The following FER variants were observed in gnomAD, a reference collection of about 807,000 sequenced individuals.
FER encodes FER tyrosine kinase.
A neutral mutation model predicts 111.0 loss-of-function variants in FER; 63 were observed. The ratio of observed to expected loss-of-function variants is 0.57; its 90% CI spans 0.46 to 0.70. FER has a LOEUF of 0.70. FER is among the 30% of genes least tolerant of loss of function. FER has a pLI of 0.00. For synonymous variants in FER, 327 were observed against 313.9 expected (o/e 1.04, Z -0.44); for missense variants, 914 against 954.0 (o/e 0.96, Z 0.55).
chr5:108,978,267 G>T (rs969582163), intron 13 of FER, among the ~76,000 whole-genome samples: 4 of 152,086 alleles, frequency 2.6e-5, no homozygotes, highest in Admixed American at 6.6e-5. Flanking sequence ...TCATTGATCA[G>T]GTTGATACAT....
At chr5:109,092,734 T>C (rs927031295) in intron 16 of FER, among the ~76,000 whole-genome samples, 2 of 152,190 alleles carry the variant, frequency 1.3e-5, no homozygotes, top group Admixed American at 1.3e-4. Context: ...AACTACCATA[T>C]AATCTAGCCA....
intron 2 of FER, among the ~76,000 whole-genome samples, chr5:108,792,591 C>T (rs1755503521): frequency 6.6e-6 from 1 of 152,120 alleles, no homozygotes; most frequent in African/African-American, 2.4e-5. Flanking sequence ...CCTGCCTCAG[C>T]CTCCCAAAGT....
rs148164186 is a variant in FER at position 109,039,494 on chromosome 5, A to C, written c.1713+2016A>C. 5.5e-4 allele frequency among the ~76,000 whole-genome samples: 83 copies of C among 152,242 alleles called. 1 individual carries two copies. In the East Asian group the frequency reaches 0.01, roughly 19 times the overall value. On this transcript the variant is annotated intron_variant, in intron 14 of 19. Coordinates refer to ENST00000281092, the MANE Select transcript of FER (RefSeq NM_005246.4). ...AAATTTTATAATGTTAGAGGGTGCT[A>C]AGTCCTGTGAACAATAGAGGGATTG...
intron 2 of FER, among the ~76,000 whole-genome samples, chr5:108,787,071 G>GCAGCTGCAGCTGCC: frequency 1.3e-5 from 2 of 152,020 alleles, no homozygotes; most frequent in South Asian, 4.1e-4. Flanking sequence ...GCTCCTGGGT[G>GCAGCTGCAGCTGCC]CAGCTGCAGC....
chr5:108,749,342 A>T (rs1000823694), intron 1 of FER, among the ~76,000 whole-genome samples: 1 of 151,978 alleles, frequency 6.6e-6, no homozygotes, highest in Non-Finnish European at 1.5e-5. Context: ...TGCCGGCGCG[A>T]AAGGGCTGTG....
intron 8 of FER, among the ~76,000 whole-genome samples, chr5:108,880,516 T>C (rs1258227092): frequency 6.6e-6 from 1 of 152,094 alleles, no homozygotes; most frequent in African/African-American, 2.4e-5. Flanking sequence ...TATTTATTTA[T>C]TTATAATTAT....
intron 11 of FER, among the ~76,000 whole-genome samples, chr5:108,950,284 T>TA (rs1168502094): frequency 6.6e-6 from 1 of 152,214 alleles, no homozygotes; most frequent in Non-Finnish European, 1.5e-5. Flanking sequence ...TCTTTATAGT[T>TA]ACTATCCTAG....
intron 1 of FER, among the ~76,000 whole-genome samples, chr5:108,752,425 C>T (rs1036160493): frequency 6.6e-6 from 1 of 151,948 alleles, no homozygotes; most frequent in Non-Finnish European, 1.5e-5. Flanking sequence ...TTCAGTGTAT[C>T]TGCATTCACA....
chr5:108,948,916 G>C (rs1312581146), intron 11 of FER, among the ~76,000 whole-genome samples: 1 of 152,000 alleles, frequency 6.6e-6, no homozygotes, highest in East Asian at 1.9e-4. Context: ...TCTTTATATA[G>C]ATAACAGAAG....
At chr5:108,930,678 A>G (rs887075085) in intron 10 of FER, among the ~76,000 whole-genome samples, 1 of 132,608 alleles carries the variant, frequency 7.5e-6, no homozygotes, top group African/African-American at 3.0e-5. Context: ...TGGTTGTGCC[A>G]TCTGGGTTCA....
chr5:108,772,251 A>T (rs995602884), intron 2 of FER, among the ~76,000 whole-genome samples: 2 of 134,902 alleles, frequency 1.5e-5, no homozygotes, highest in East Asian at 4.0e-4. Flanking sequence ...ACATATATTC[A>T]AACCATAGTA....
chr5:108,810,981 T>C (rs540219503), intron 3 of FER, among the ~76,000 whole-genome samples: 1 of 152,256 alleles, frequency 6.6e-6, no homozygotes, highest in Admixed American at 6.5e-5. Flanking sequence ...CCATGATCTA[T>C]GCACAGGAAG....
rs1179911862 is a variant in FER at position 108,847,101 on chromosome 5, G to C, written c.481+11294G>C. ...ATGTGGAAGCTGAGGTCATTGATTT[G>C]AGAACCATCTTCTTTTCAAATGCAA... On this transcript the variant is annotated intron_variant, in intron 5 of 19. Transcript: ENST00000281092. 2.0e-5 allele frequency among the ~76,000 whole-genome samples: 3 copies of C among 150,430 alleles called. No homozygotes were observed. The East Asian group carries it at 5.8e-4, about 29-fold the overall frequency.
chr5:108,836,128 T>C (rs959471300), intron 5 of FER, among the ~76,000 whole-genome samples: 5 of 152,000 alleles, frequency 3.3e-5, no homozygotes, highest in Non-Finnish European at 2.9e-5. Flanking sequence ...GTAAGAAAAA[T>C]AGGAGTATAT....
At chr5:109,155,907 A>T (rs1282299409) in intron 17 of FER, among the ~76,000 whole-genome samples, 1 of 152,008 alleles carries the variant, frequency 6.6e-6, no homozygotes, top group Non-Finnish European at 1.5e-5. Context: ...GTTTCTCATG[A>T]TATCTCTTGA....
chr5:109,180,596 CAG>C (rs771090832), intron 17 of FER, 149 bp from the exon 18 acceptor site: 25 of 810,874 alleles, frequency 3.1e-5, no homozygotes, highest in Non-Finnish European at 4.3e-5. Flanking sequence ...TTACCTATGA[CAG>C]AAAAGATGAG....
intron 2 of FER, among the ~76,000 whole-genome samples, chr5:108,795,199 C>G (rs1370072699): frequency 6.6e-6 from 1 of 152,134 alleles, no homozygotes; most frequent in African/African-American, 2.4e-5. Flanking sequence ...GTGACACATA[C>G]TTGTAGTCCC....
intron 14 of FER, among the ~76,000 whole-genome samples, chr5:109,044,182 CTT>C (rs577263932): frequency 1.1e-4 from 14 of 132,418 alleles, no homozygotes; most frequent in East Asian, 2.1e-4. Flanking sequence ...TAAATCAGGC[CTT>C]TTTTTTTTTT....
intron 11 of FER, among the ~76,000 whole-genome samples, chr5:108,953,505 T>C (rs1021129821): frequency 6.6e-6 from 1 of 152,038 alleles, no homozygotes; most frequent in Non-Finnish European, 1.5e-5. Flanking sequence ...TTTGGGACTT[T>C]TCAAGTTTTT....
Sources: gnomAD v4.1 joint callset for allele counts (sites outside exome capture counted in the v4.1 genomes callset) on GRCh38, gnomAD v4.1.1 for gene constraint, MANE v1.5 for transcripts, NCBI Gene and HGNC (gene_info 2026-07-23, HGNC 2026-07-21) for gene names.